CNTLN: variants seen among roughly 807,000 people sequenced by gnomAD.
CNTLN encodes centlein, centrosomal protein.
CNTLN carries 212 observed loss-of-function variants against 180.0 expected under a neutral mutation model. That is an observed-to-expected ratio of 1.18 (90% CI 1.05 to 1.32). The LOEUF (loss-of-function observed/expected upper bound fraction) is 1.32, where lower values mean the gene tolerates loss of function less well. Among genes scored for constraint, CNTLN ranks in the 40% most tolerant of loss-of-function variants. The pLI, the probability that CNTLN is intolerant of heterozygous loss-of-function variation, is 0.00. For synonymous variants in CNTLN, 722 were observed against 563.1 expected, an observed-to-expected ratio of 1.28 and a Z score of -3.99; for missense variants, 2,095 against 1,610.9, an observed-to-expected ratio of 1.30 and a Z score of -5.14.
intron 3 of CNTLN, among the ~76,000 whole-genome samples, chr9:17,229,575 C>T (rs759927735): frequency 1.3e-5 from 2 of 152,052 alleles, no homozygotes; most frequent in Non-Finnish European, 2.9e-5. Flanking sequence ...ATTTCTTCCT[C>T]CTCTGGGGAT....
rs569130063 is a variant in CNTLN, at chr9:17,349,438, T to C, written c.1886+6994T>C. Among the ~76,000 whole-genome samples the C allele has an allele frequency of 4.6e-5, 7 of 152,298 alleles. No homozygotes were observed. The South Asian group carries it at 1.4e-3, about 32-fold the overall frequency. On this transcript the variant is annotated intron_variant, in intron 12 of 25. Coordinates refer to ENST00000380647, the MANE Select transcript of CNTLN (RefSeq NM_017738.4). Reference sequence around the variant, plus strand: ...ACAAAAAAAGATATACTATTAATACTACCTTTCAACTGAATTTAAATAGTA... The same window carrying C: ...ACAAAAAAAGATATACTATTAATACCACCTTTCAACTGAATTTAAATAGTA...
At chr9:17,308,218 CAT>C (rs1289439657) in intron 7 of CNTLN, among the ~76,000 whole-genome samples, 2 of 149,210 alleles carry the variant, frequency 1.3e-5, no homozygotes, top group African/African-American at 5.1e-5. Context: ...CATGTTATCT[CAT>C]AGTTTTAATA....
At chr9:17,278,748 G>T (rs764682463) in intron 6 of CNTLN, among the ~76,000 whole-genome samples, 2 of 151,970 alleles carry the variant, frequency 1.3e-5, no homozygotes, top group Non-Finnish European at 2.9e-5. Context: ...GTACAGAAAA[G>T]TACAAAGAAG....
chr9:17,308,017 C>CACAT (rs1491121427), intron 7 of CNTLN, among the ~76,000 whole-genome samples: 12 of 141,198 alleles, frequency 8.5e-5, no homozygotes, highest in African/African-American at 3.0e-4. Context: ...CACACACACA[C>CACAT]ATTTTCGTTC....
chr9:17,236,170 A>G (rs1339007748), intron 4 of CNTLN, among the ~76,000 whole-genome samples: 2 of 152,142 alleles, frequency 1.3e-5, no homozygotes, highest in Non-Finnish European at 2.9e-5. Context: ...TGATCAATTA[A>G]TGGGCTCTTT....
intron 11 of CNTLN, among the ~76,000 whole-genome samples, chr9:17,341,970 G>A (rs1179406134): frequency 6.6e-6 from 1 of 152,110 alleles, no homozygotes; most frequent in Non-Finnish European, 1.5e-5. Context: ...ATCTTGGTTA[G>A]CAGCAAATTC....
Position 17,135,110 on chromosome 9 carries a change from G to T in CNTLN, c.45G>T (p.Ala15=). The change falls in exon 1 of 26, where the codon GCG becomes GCT. Residue 15 remains alanine (A), a synonymous_variant. Transcript: ENST00000380647. ...SPPSPHPSPP[A]RQLGPRSPRV... is the part of the protein sequence containing the mutation. ...CCTCACCGCACCCTTCGCCCCCAGC[G>T]CGACAGCTGGGCCCCAGGTCCCCAC... 1 of 1,606,098 alleles carries T rather than the reference G, an allele frequency of 6.2e-7. No homozygotes were observed. The highest frequency in any genetic ancestry group is 8.5e-7 in the Non-Finnish European group (1 of 1,177,842).
chr9:17,309,402 T>C (rs765693861), intron 8 of CNTLN, 150 bp downstream of exon 8: 5 of 565,860 alleles, frequency 8.8e-6, no homozygotes, highest in Non-Finnish European at 1.5e-5. Context: ...GTTTTTATAC[T>C]GTTTGTAGGC....
At chr9:17,435,172 G>C (rs541244295) in intron 18 of CNTLN, among the ~76,000 whole-genome samples, 2 of 152,128 alleles carry the variant, frequency 1.3e-5, no homozygotes, top group African/African-American at 4.8e-5. Flanking sequence ...GCTTTACCTC[G>C]GTTCTGGAGC....
chr9:17,463,328 A>G (rs765010639), intron 20 of CNTLN, among the ~76,000 whole-genome samples: 7 of 151,678 alleles, frequency 4.6e-5, no homozygotes, highest in Non-Finnish European at 7.4e-5. Context: ...CCCCCCAAAT[A>G]TATGATTAGT....
intron 5 of CNTLN, among the ~76,000 whole-genome samples, chr9:17,242,302 TG>T (rs1322767165): frequency 2.9e-5 from 4 of 137,774 alleles, no homozygotes; most frequent in African/African-American, 1.3e-4. Flanking sequence ...AATGATCATG[TG>T]GTTTTTTTTT....
At chr9:17,258,904 T>G (rs7847865) in intron 5 of CNTLN, among the ~76,000 whole-genome samples, 1 of 145,412 alleles carries the variant, frequency 6.9e-6, no homozygotes, top group Non-Finnish European at 1.5e-5. Context: ...TAGATATACA[T>G]TCATGTCATC....
chr9:17,234,419 G>T (rs1193679087), intron 3 of CNTLN, among the ~76,000 whole-genome samples: 1 of 149,528 alleles, frequency 6.7e-6, no homozygotes, highest in Non-Finnish European at 1.5e-5. Context: ...CTCCAGAGTG[G>T]GTGACATGAC....
intron 5 of CNTLN, among the ~76,000 whole-genome samples, chr9:17,240,134 T>G (rs973983351): frequency 6.6e-6 from 1 of 152,202 alleles, no homozygotes; most frequent in African/African-American, 2.4e-5. Context: ...TTCAATTTTT[T>G]CAGTTGTTTT....
intron 2 of CNTLN, among the ~76,000 whole-genome samples, chr9:17,221,921 A>G (rs1258794858): frequency 2.6e-5 from 4 of 151,836 alleles, no homozygotes; most frequent in East Asian, 1.9e-4. Flanking sequence ...CTGTTCTCAT[A>G]TTCTCTCTTT....
At chr9:17,355,069 G>C (rs1822722897) in intron 12 of CNTLN, among the ~76,000 whole-genome samples, 1 of 152,146 alleles carries the variant, frequency 6.6e-6, no homozygotes, top group Admixed American at 6.5e-5. Context: ...CTGAACATCA[G>C]AAGGGACAGA....
At chr9:17,420,215 G>A (rs1466460754) in intron 18 of CNTLN, among the ~76,000 whole-genome samples, 2 of 152,158 alleles carry the variant, frequency 1.3e-5, no homozygotes, top group African/African-American at 2.4e-5. Context: ...TTTGCTGGGA[G>A]ACTTTTTATT....
chr9:17,464,059 GAT>G (rs951185008), intron 20 of CNTLN, among the ~76,000 whole-genome samples: 6 of 151,494 alleles, frequency 4.0e-5, no homozygotes, highest in Admixed American at 1.3e-4. Flanking sequence ...TAAATTAGAA[GAT>G]ATTATGGCTA....
intron 8 of CNTLN, among the ~76,000 whole-genome samples, chr9:17,329,952 G>C (rs892724795): frequency 7.9e-5 from 12 of 151,930 alleles, no homozygotes; most frequent in Admixed American, 2.0e-4. Flanking sequence ...ATTTGCATGG[G>C]TTTTAATGGC....
Sources: gnomAD v4.1 joint callset for allele counts (sites outside exome capture counted in the v4.1 genomes callset) on GRCh38, gnomAD v4.1.1 for gene constraint, MANE v1.5 for transcripts, NCBI Gene and HGNC (gene_info 2026-07-23, HGNC 2026-07-21) for gene names.